The following ITPRID2 variants were observed in gnomAD, a reference collection of about 807,000 sequenced individuals.
The protein encoded by ITPRID2 is ITPR interacting domain containing 2.
In ITPRID2, 60 loss-of-function variants were observed where a neutral mutation model predicts 124.3. That is an observed-to-expected ratio of 0.48 (90% CI 0.39 to 0.60). ITPRID2 has a LOEUF of 0.60. ITPRID2 is among the 20% of genes least tolerant of loss of function. The pLI, the probability that ITPRID2 is intolerant of heterozygous loss-of-function variation, is 0.00. For synonymous variants in ITPRID2, 521 were observed against 542.9 expected (o/e 0.96, Z 0.56); for missense variants, 1,553 against 1,512.2 (o/e 1.03, Z -0.45).
At chr2:181,924,611 T>C (rs1694715554) in intron 16 of ITPRID2, among the ~76,000 whole-genome samples, 1 of 152,232 alleles carries the variant, frequency 6.6e-6, no homozygotes, top group Non-Finnish European at 1.5e-5. Flanking sequence ...ACTGCGTTCA[T>C]GGATGCATGA....
chr2:181,892,726 C>T lies in ITPRID2; in HGVS notation c.257+66C>T. 2 of 1,591,760 alleles carry T rather than the reference C, an allele frequency of 1.3e-6. No individual in the cohort carries two copies. Among genetic ancestry groups the T allele is most frequent in the Non-Finnish European group, 1.7e-6 (2 of 1,161,236 alleles). On this transcript the variant is annotated intron_variant, in intron 2 of 17. Transcript: ENST00000431877. This position sits in a 1 kb window ranked among gnomAD's most constrained non-coding sequence, Gnocchi z 5.2. ...GTGCGGACGGGACGCCGGAGCAGAG[C>T]CACTCGGGCCGCGTCCCTGTGGGTC...
chr2:181,913,836 T>A lies in ITPRID2; in HGVS notation c.1487-9T>A, dbSNP rs1693821115. The A allele has an allele frequency of 6.3e-7, 1 of 1,599,794 alleles. No homozygotes were observed. Among genetic ancestry groups the A allele is most frequent in the South Asian group, 1.1e-5 (1 of 88,334 alleles). ...TCTGTTTCTTATAGCCACATTTTTT[T>A]ATTCATAGATCATCTGTTACGTACT... On this transcript the variant is annotated splice_polypyrimidine_tract_variant and intron_variant, in intron 9 of 17. Transcript: ENST00000431877.
Position 181,910,521 on chromosome 2 carries a change from C to T in ITPRID2, c.1486+550C>T, listed in dbSNP as rs1435375374. On this transcript the variant is annotated intron_variant, in intron 9 of 17. Coordinates refer to ENST00000431877, the MANE Select transcript of ITPRID2 (RefSeq NM_001130445.3). The surrounding 1 kb of genome is among the most constrained non-coding windows in gnomAD (Gnocchi z 4.1). ...AGAACCTTTGAATCCATCCCTTTCA[C>T]TTTTAACTTGCAACAACAACAACAA... The T allele has an allele frequency of 1.5e-6, 1 of 649,470 alleles. No homozygotes were observed. The highest frequency in any genetic ancestry group is 2.8e-5 in the East Asian group (1 of 35,236). The allele number at this position is 649,470 out of a possible 1,614,324, so 40.2% of individuals were successfully genotyped here. A position where few individuals can be genotyped will look rare whatever the true frequency, so the allele number is the denominator to read the frequency against.
rs546628986 is a variant in ITPRID2, at chr2:181,921,118, A to G, written c.3210+456A>G. 4.6e-5 allele frequency among the ~76,000 whole-genome samples: 7 copies of G among 152,286 alleles called. 1 individual carries two copies. The highest frequency in any genetic ancestry group is 9.6e-5 in the African/African-American group (4 of 41,554). On this transcript the variant is annotated intron_variant, in intron 15 of 17. Coordinates refer to ENST00000431877, the MANE Select transcript of ITPRID2 (RefSeq NM_001130445.3). ...AGGATTGCTTGAGGCCAGGAGCTCA[A>G]GGCTACAGTGAGCTATGATTGTGCC...
chr2:181,915,244 G>A lies in ITPRID2; in HGVS notation c.1604G>A (p.Ser535Asn), dbSNP rs758683368. ...CAGGAGTCCTTGCAGGCTATGGGGA[G>A]TAGTGCTGATAGTTGTGACAGTGAG... ...QVQESLQAMGSSADSCDSETT... is the reference protein window; with the variant it reads ...QVQESLQAMGNSADSCDSETT... The change falls in exon 11 of 18, where the codon AGT becomes AAT. Residue 535 changes from serine (S) to asparagine (N), a missense_variant. Coordinates refer to ENST00000431877, the MANE Select transcript of ITPRID2 (RefSeq NM_001130445.3). 5.0e-6 allele frequency: 8 copies of A among 1,613,992 alleles called. No homozygotes were observed. The highest frequency in any genetic ancestry group is 5.9e-6 in the Non-Finnish European group (7 of 1,180,016).
At position 181,901,804 on chromosome 2, in the gene ITPRID2, A is replaced by G. The variant is rs148593943; in HGVS notation, c.751A>G (p.Asn251Asp). The part of the protein sequence containing the change: ...RQIEVLTTVA[N>D]AFSSLYSQVS... ...AATTGAAGTGCTTACTACTGTGGCC[A>G]ATGCGTTTTCTTCTTTATATTCTCA... The change falls in exon 8 of 18, where the codon AAT becomes GAT. Residue 251 changes from asparagine (N) to aspartate (D), a missense_variant. Physicochemically the swap from Asn to Asp is conservative, Grantham distance 23 (BLOSUM62 1). Transcript: ENST00000431877. 384 of 1,613,414 alleles carry G rather than the reference A, an allele frequency of 2.4e-4. 4 individuals carry two copies. In the East Asian group the frequency reaches 7.7e-3, roughly 32 times the overall value.
In ITPRID2 at chr2:181,898,874, C is replaced by T. The variant is rs199663604; in HGVS notation, c.365-6C>T. ...TGTGCTCTACGTTTATTGTTTTTACCTGTAGCCAACCACCTCCATGAAAGT... is the reference window on the plus strand; with the variant it reads ...TGTGCTCTACGTTTATTGTTTTTACTTGTAGCCAACCACCTCCATGAAAGT... On this transcript the variant is annotated splice_polypyrimidine_tract_variant and splice_region_variant and intron_variant, in intron 4 of 17. Coordinates refer to ENST00000431877, the MANE Select transcript of ITPRID2 (RefSeq NM_001130445.3). The T allele has an allele frequency of 3.1e-6, 5 of 1,606,052 alleles. No homozygotes were observed. Among genetic ancestry groups the T allele is most frequent in the Non-Finnish European group, 4.3e-6 (5 of 1,173,088 alleles).
At position 181,913,910 on chromosome 2, in the gene ITPRID2, T is replaced by A. The variant is rs762511252; in HGVS notation, c.1552T>A (p.Cys518Ser). The change falls in exon 10 of 18, where the codon TGC (cysteine) becomes AGC (serine). Residue 518 changes from cysteine (C) to serine (S), a missense_variant. Cys to Ser is a moderately radical substitution (Grantham distance 112). Coordinates refer to ENST00000431877, the MANE Select transcript of ITPRID2 (RefSeq NM_001130445.3). ...SSGFAEDSTD[C>S]LSLNHLQVQE... The stretch of plus-strand genomic sequence containing the variant: ...TGGTTTTGCTGAAGATTCTACAGAC[T>A]GCCTATCCCTTAATCATCTTCAGGT... The A allele has an allele frequency of 1.4e-5, 23 of 1,613,052 alleles. No homozygotes were observed. The highest frequency in any genetic ancestry group is 1.9e-5 in the Non-Finnish European group (22 of 1,179,634).
rs201678379 is a variant in ITPRID2, at chr2:181,902,054, A to G, written c.1001A>G (p.Glu334Gly). ...ATTCTAAATGTTTCAGTGATTGAAGAAAGTGGCAATAAAAACGATCAAAAG... is the reference window on the plus strand; with the variant it reads ...ATTCTAAATGTTTCAGTGATTGAAGGAAGTGGCAATAAAAACGATCAAAAG... ...GKILNVSVIE[E>G]SGNKNDQKSQ... The change falls in exon 8 of 18, where the codon GAA (glutamate) becomes GGA (glycine). Residue 334 changes from glutamate (E) to glycine (G), a missense_variant. Physicochemically the swap from Glu to Gly is moderately conservative, Grantham distance 98. Coordinates refer to ENST00000431877, the MANE Select transcript of ITPRID2 (RefSeq NM_001130445.3). This position sits in a 1 kb window ranked among gnomAD's most constrained non-coding sequence, Gnocchi z 4.4. The G allele has an allele frequency of 1.2e-6, 2 of 1,612,396 alleles. No homozygotes were observed. The highest frequency in any genetic ancestry group is 1.7e-5 in the Admixed American group (1 of 59,696).
chr2:181,918,306 A>C, intron 11 of ITPRID2: 2 of 1,147,524 alleles, frequency 1.7e-6, no homozygotes, highest in Non-Finnish European at 1.1e-6. Context: ...TTGCGTTTTG[A>C]TTTTGTTTTT....
At position 181,922,122 on chromosome 2, in the gene ITPRID2, G is replaced by A. The variant is rs770246311; in HGVS notation, c.3385G>A (p.Val1129Ile). 5 of 1,614,120 alleles carry A rather than the reference G, an allele frequency of 3.1e-6. No individual in the cohort carries two copies. The African/African-American group carries it at 5.3e-5, about 17-fold the overall frequency. ...GPSHANRRTGVPSTASVGKSK... is the reference protein window; with the variant it reads ...GPSHANRRTGIPSTASVGKSK... ...CTCTCATGCTAACAGAAGAACTGGA[G>A]TACCTTCTACTGCCTCAGTGGGCAA... The change falls in exon 16 of 18, where the codon GTA (valine) becomes ATA (isoleucine). Residue 1129 changes from valine to isoleucine, a missense_variant. Physicochemically the swap from Val to Ile is conservative, Grantham distance 29. Coordinates refer to ENST00000431877, the MANE Select transcript of ITPRID2 (RefSeq NM_001130445.3).
rs1694994512 is a variant in ITPRID2 at position 181,928,082 on chromosome 2, T to G, written c.3676-79T>G. 1.4e-5 allele frequency: 13 copies of G among 914,066 alleles called. No homozygotes were observed. In the South Asian group the frequency reaches 2.1e-4, roughly 15 times the overall value. 56.6% of individuals were successfully genotyped at this position (914,066 alleles called of 1,614,324 possible). A position where few individuals can be genotyped will look rare whatever the true frequency, so the allele number is the denominator to read the frequency against. ...GTGAAATTAAGAAATTGAATGCTAT[T>G]TGTATTTTTTCCAAAAACAGGAAAA... On this transcript the variant is annotated intron_variant, in intron 16 of 17. Coordinates refer to ENST00000431877, the MANE Select transcript of ITPRID2 (RefSeq NM_001130445.3).
chr2:181,929,110 A>G (rs1035618743), intron 17 of ITPRID2, among the ~76,000 whole-genome samples: 1 of 151,654 alleles, frequency 6.6e-6, no homozygotes, highest in Non-Finnish European at 1.5e-5. Context: ...TTTTGTAGAG[A>G]TGGGGTCTTG....
Position 181,913,950 on chromosome 2 carries a change from T to C in ITPRID2, c.1575+17T>C, listed in dbSNP as rs758453307. 1.1e-5 allele frequency: 17 copies of C among 1,545,876 alleles called. No individual in the cohort carries two copies. In the South Asian group the frequency reaches 1.7e-4, roughly 15 times the overall value. ...CATCTTCAGGTAAAATTTTCTGTTCTAATAGGCACTATGATTAACTTCCTC... is the reference window on the plus strand; with the variant it reads ...CATCTTCAGGTAAAATTTTCTGTTCCAATAGGCACTATGATTAACTTCCTC... On this transcript the variant is annotated intron_variant, in intron 10 of 17. Coordinates refer to ENST00000431877, the MANE Select transcript of ITPRID2 (RefSeq NM_001130445.3).
chr2:181,930,464 A>G lies in ITPRID2; in HGVS notation c.*917A>G, dbSNP rs1695196471. On this transcript the variant is annotated 3_prime_UTR_variant, in exon 18 of 18. Transcript: ENST00000431877. ...AGTGAAAACTTTGTTTTTATGAAAA[A>G]AAAGGAAAATGGTTTCCCATTTGGT... 1 of 152,570 alleles carries G rather than the reference A, an allele frequency of 6.6e-6. No individual in the cohort carries two copies. The highest frequency in any genetic ancestry group is 2.1e-4 in the South Asian group (1 of 4,834). 9.5% of individuals were successfully genotyped at this position (152,570 alleles called of 1,614,324 possible). A position where few individuals can be genotyped will look rare whatever the true frequency, so the allele number is the denominator to read the frequency against.
intron 14 of ITPRID2, 50 bp from the exon 15 acceptor site, chr2:181,920,547 T>G (rs1239820843): frequency 7.7e-7 from 1 of 1,294,924 alleles, no homozygotes; most frequent in Non-Finnish European, 1.1e-6. Context: ...TATGCATGTA[T>G]GTATATATAC....
Position 181,902,385 on chromosome 2 carries a change from A to G in ITPRID2, c.1332A>G (p.Glu444=), listed in dbSNP as rs1692739629. 6.2e-7 allele frequency: 1 copy of G among 1,613,842 alleles called. No individual in the cohort carries two copies. Residue 444 remains glutamate (E), a synonymous_variant, in exon 8 of 18, where the codon GAA becomes GAG. Coordinates refer to ENST00000431877, the MANE Select transcript of ITPRID2 (RefSeq NM_001130445.3). The surrounding 1 kb of genome is among the most constrained non-coding windows in gnomAD (Gnocchi z 4.4). ...ELKSVHISTP[E]KEPCAPLTIP... Reference sequence around the variant, plus strand: ...AAAGTGTCCATATATCCACACCTGAAAAAGAGCCTTGTGCACCACTGACAA... The same window carrying G: ...AAAGTGTCCATATATCCACACCTGAGAAAGAGCCTTGTGCACCACTGACAA...
chr2:181,901,835 C>T lies in ITPRID2; in HGVS notation c.782C>T (p.Ser261Phe). 6.2e-7 allele frequency: 1 copy of T among 1,613,802 alleles called. No homozygotes were observed. Among genetic ancestry groups the T allele is most frequent in the Non-Finnish European group, 8.5e-7 (1 of 1,179,820 alleles). The part of the protein sequence containing the change: ...NAFSSLYSQV[S>F]GTPLQRIGSM... The stretch of plus-strand genomic sequence containing the variant: ...TTTTCTTCTTTATATTCTCAAGTCT[C>T]CGGGACGCCCCTGCAGAGAATTGGA... The change falls in exon 8 of 18, where the codon TCC becomes TTC. Residue 261 changes from serine to phenylalanine, a missense_variant. Ser to Phe is a radical substitution (Grantham distance 155, BLOSUM62 -2). Transcript: ENST00000431877.
intron 2 of ITPRID2, chr2:181,893,075 C>A (rs1400521439): frequency 5.0e-6 from 1 of 199,550 alleles, no homozygotes; most frequent in African/African-American, 2.3e-5. Context: ...TTTAATTTAC[C>A]TAACTACACT....
Sources: gnomAD v4.1 joint callset for allele counts (sites outside exome capture counted in the v4.1 genomes callset) on GRCh38, gnomAD v4.1.1 for gene constraint, Gnocchi (gnomAD v3.1) non-coding constraint, MANE v1.5 for transcripts, NCBI Gene and HGNC (gene_info 2026-07-23, HGNC 2026-07-21) for gene names.